The following IL1R1 variants were observed in gnomAD, a reference collection of about 807,000 sequenced individuals.
The protein encoded by IL1R1 is interleukin-1 receptor type 1.
Under a neutral mutation model 50.2 loss-of-function variants are expected in IL1R1, and 22 were observed. The observed-to-expected ratio is 0.44, with a 90% CI of 0.31 to 0.63. IL1R1 has a LOEUF of 0.63. IL1R1 is among the 20% of genes least tolerant of loss of function. The probability of loss-of-function intolerance (pLI) is 0.07; values close to 1 mark genes in which losing one functional copy is unlikely to be tolerated. For missense variants in IL1R1, 509 were observed against 676.2 expected, an observed-to-expected ratio of 0.75 and a Z score of 2.74; for synonymous variants, 251 against 236.7, an observed-to-expected ratio of 1.06 and a Z score of -0.55.
chr2:102,099,339 C>T (rs775912377), intron 1 of IL1R1, among the ~76,000 whole-genome samples: 23 of 152,180 alleles, frequency 1.5e-4, no homozygotes, highest in Non-Finnish European at 1.9e-4. Flanking sequence ...CGTACCCATC[C>T]AGTGGCCTTT....
At chr2:102,087,790 C>T (rs527343035) in intron 1 of IL1R1, among the ~76,000 whole-genome samples, 5 of 146,622 alleles carry the variant, frequency 3.4e-5, no homozygotes, top group African/African-American at 9.8e-5. Context: ...CTCTTTCCTT[C>T]GTAAATTACT....
Position 102,174,587 on chromosome 2 carries a change from T to A in IL1R1, c.992T>A (p.Val331Asp). The A allele has an allele frequency of 6.4e-7, 1 of 1,562,668 alleles. No individual in the cohort carries two copies. Residue 331 changes from valine (V) to aspartate (D), a missense_variant and splice_region_variant, in exon 10 of 12, where the codon GTC becomes GAC. Val to Asp is a radical substitution (Grantham distance 152). Coordinates refer to ENST00000410023, the MANE Select transcript of IL1R1 (RefSeq NM_000877.4). ...TCCTTTTTTTTTCTTTTTGCTATAG[T>A]CACTAATTTCCAGAAGCACATGATT... is the stretch of plus-strand genomic sequence containing the variant. ...DAAYIQLIYP[V>D]TNFQKHMIGI...
chr2:102,161,544 C>T (rs915373279), intron 3 of IL1R1, among the ~76,000 whole-genome samples: 1 of 152,134 alleles, frequency 6.6e-6, no homozygotes, highest in African/African-American at 2.4e-5. Flanking sequence ...TGGGGTTTCT[C>T]TAGTTTCTTG....
intron 10 of IL1R1, 114 bp from the exon 11 acceptor site, chr2:102,175,364 C>T (rs1252341856): frequency 1.3e-6 from 1 of 783,422 alleles, no homozygotes; most frequent in African/African-American, 1.7e-5. Context: ...TCAGTCATGC[C>T]ATTGTATAAA....
chr2:102,179,678 G>A lies in IL1R1; in HGVS notation c.*2919G>A, dbSNP rs1002595517. On this transcript the variant is annotated 3_prime_UTR_variant, in exon 12 of 12. Transcript: ENST00000410023. ...TCTTATTTGCAATAAAAGGTATTGA[G>A]CCATTTTTTAAATGACATTTTTGAT... 6.6e-6 allele frequency: 1 copy of A among 152,658 alleles called. No homozygotes were observed. Among genetic ancestry groups the A allele is most frequent in the African/African-American group, 2.4e-5 (1 of 41,392 alleles). The allele number at this position is 152,658 out of a possible 1,614,324, so 9.5% of individuals were successfully genotyped here.
At chr2:102,122,071 C>A (rs1273629191) in intron 1 of IL1R1, among the ~76,000 whole-genome samples, 1 of 152,172 alleles carries the variant, frequency 6.6e-6, no homozygotes, top group Non-Finnish European at 1.5e-5. Flanking sequence ...CCCTTTGAAT[C>A]AATACACATG....
At chr2:102,168,697 G>GTTT in intron 7 of IL1R1, 34 bp downstream of exon 7, 6 of 1,185,658 alleles carry the variant, frequency 5.1e-6, no homozygotes, top group Non-Finnish European at 6.9e-6. Context: ...TGCTGGAATC[G>GTTT]GTTTTTTTTT....
intron 1 of IL1R1, among the ~76,000 whole-genome samples, chr2:102,080,433 G>A (rs904095141): frequency 9.9e-5 from 15 of 152,284 alleles, no homozygotes; most frequent in East Asian, 1.9e-4. Context: ...TGGACATTTC[G>A]CTGAAGAAGA....
intron 1 of IL1R1, among the ~76,000 whole-genome samples, chr2:102,108,839 C>A (rs1364587971): frequency 2.0e-5 from 3 of 151,930 alleles, no homozygotes; most frequent in South Asian, 4.1e-4. Context: ...GCATGAATAT[C>A]AAAAACTTTA....
At chr2:102,097,092 C>T (rs745324606) in intron 1 of IL1R1, among the ~76,000 whole-genome samples, 2 of 152,182 alleles carry the variant, frequency 1.3e-5, no homozygotes, top group Non-Finnish European at 2.9e-5. Flanking sequence ...AAGTTTACGT[C>T]TCACAGTTGT....
chr2:102,072,173 C>A (rs148293541), intron 1 of IL1R1, among the ~76,000 whole-genome samples: 3 of 151,238 alleles, frequency 2.0e-5, no homozygotes. Flanking sequence ...AGCAGGAGAA[C>A]TGCTTGAACC....
At position 102,133,134 on chromosome 2, in the gene IL1R1, C is replaced by T. The variant is rs377386964; in HGVS notation, c.-83-20807C>T. Reference sequence around the variant, plus strand: ...TGGCGGGCACCTGTAGTCCCAGCTACTAGGGAGGCTGAGGCAAGAGAATGG... The same window carrying T: ...TGGCGGGCACCTGTAGTCCCAGCTATTAGGGAGGCTGAGGCAAGAGAATGG... On this transcript the variant is annotated intron_variant, in intron 1 of 10. Coordinates refer to the IL1R1 transcript ENST00000409329. Among the ~76,000 whole-genome samples the T allele has an allele frequency of 2.7e-5, 4 of 150,616 alleles. No individual in the cohort carries two copies. In the East Asian group the frequency reaches 5.9e-4, roughly 22 times the overall value.
At chr2:102,078,102 G>A (rs1397041385) in intron 1 of IL1R1, among the ~76,000 whole-genome samples, 2 of 151,942 alleles carry the variant, frequency 1.3e-5, no homozygotes, top group African/African-American at 4.8e-5. Flanking sequence ...AGAAATAAAT[G>A]AGTATATTAC....
chr2:102,100,551 A>G (rs1680097169), upstream of IL1R1, among the ~76,000 whole-genome samples: 1 of 152,236 alleles, frequency 6.6e-6, no homozygotes, highest in Non-Finnish European at 1.5e-5. Context: ...CACTAAGTTC[A>G]CAGCATTTAA....
At chr2:102,072,989 C>T (rs1678800209) in intron 1 of IL1R1, among the ~76,000 whole-genome samples, 1 of 152,164 alleles carries the variant, frequency 6.6e-6, no homozygotes, top group African/African-American at 2.4e-5. Context: ...TATAGAAACT[C>T]CCTTTCTCTT....
At chr2:102,080,683 T>G (rs1679165496) in intron 1 of IL1R1, among the ~76,000 whole-genome samples, 7 of 152,196 alleles carry the variant, frequency 4.6e-5, no homozygotes. Context: ...AACATAGAGT[T>G]GCCATATGAC....
At chr2:102,102,499 C>T (rs1680184641), upstream of IL1R1, among the ~76,000 whole-genome samples, 1 of 151,896 alleles carries the variant, frequency 6.6e-6, no homozygotes, top group South Asian at 2.1e-4. Context: ...ACTAAAAAGT[C>T]AAAAAATAAG....
At chr2:102,140,606 G>A (rs1422381145), upstream of IL1R1, among the ~76,000 whole-genome samples, 1 of 152,232 alleles carries the variant, frequency 6.6e-6, no homozygotes, top group African/African-American at 2.4e-5. Flanking sequence ...GCATGTTGAT[G>A]TGCTCAGAGC....
chr2:102,164,774 A>T lies in IL1R1; in HGVS notation c.62A>T (p.Asp21Val). ...IALLISSLEA[D>V]KCKEREEKII... ...GCTTCCACCCTTCTTCCTTTTAAAG[A>T]TAAATGCAAGGAACGTGAAGAAAAA... is the stretch of plus-strand genomic sequence containing the variant. Residue 21 changes from aspartate to valine, a missense_variant and splice_region_variant, in exon 4 of 12, where the codon GAT becomes GTT. Coordinates refer to ENST00000410023, the MANE Select transcript of IL1R1 (RefSeq NM_000877.4). 1.2e-6 allele frequency: 2 copies of T among 1,608,756 alleles called. No homozygotes were observed. The highest frequency in any genetic ancestry group is 1.3e-5 in the African/African-American group (1 of 74,852).
Sources: gnomAD v4.1 joint callset for allele counts (sites outside exome capture counted in the v4.1 genomes callset) on GRCh38, gnomAD v4.1.1 for gene constraint, MANE v1.5 for transcripts, NCBI Gene and HGNC (gene_info 2026-07-23, HGNC 2026-07-21) for gene names.